BRAP: variants seen among roughly 807,000 people sequenced by gnomAD.
BRAP encodes the protein BRCA1 associated protein.
A neutral mutation model predicts 73.4 loss-of-function variants in BRAP; 42 were observed. The ratio of observed to expected loss-of-function variants is 0.57; its 90% CI spans 0.45 to 0.74. The LOEUF is 0.74. Among genes scored for constraint, BRAP ranks in the 30% least tolerant of loss-of-function variants. BRAP has a pLI of 0.00. For missense variants in BRAP, 593 were observed against 751.4 expected, an observed-to-expected ratio of 0.79 and a Z score of 2.46; for synonymous variants, 255 against 267.4, an observed-to-expected ratio of 0.95 and a Z score of 0.45.
At chr12:111,654,130 G>A (rs139520393) in intron 10 of BRAP, among the ~76,000 whole-genome samples, 120 of 152,178 alleles carry the variant, frequency 7.9e-4, no homozygotes, top group African/African-American at 2.8e-3. Context: ...ACGCGGCAGC[G>A]ACCTGCGCTC....
intron 4 of BRAP, among the ~76,000 whole-genome samples, chr12:111,675,574 T>G (rs376968812): frequency 1.5e-4 from 23 of 150,768 alleles, no homozygotes; most frequent in African/African-American, 5.1e-4. Context: ...ACTCACCATC[T>G]AAATGCACTA....
chr12:111,673,848 C>G (rs972694434), intron 4 of BRAP, among the ~76,000 whole-genome samples: 1 of 152,136 alleles, frequency 6.6e-6, no homozygotes, highest in Non-Finnish European at 1.5e-5. Context: ...GGCACATGTG[C>G]GTCTATGAAA....
intron 9 of BRAP, among the ~76,000 whole-genome samples, chr12:111,657,195 C>G (rs1886569032): frequency 6.6e-6 from 1 of 152,110 alleles, no homozygotes; most frequent in African/African-American, 2.4e-5. Context: ...AGGCGCCCAC[C>G]ACCACACCCA....
intron 6 of BRAP, among the ~76,000 whole-genome samples, chr12:111,663,608 C>T (rs981140608): frequency 6.6e-5 from 10 of 152,192 alleles, no homozygotes; most frequent in African/African-American, 2.4e-4. Flanking sequence ...CTGCCTCCTA[C>T]TGCAGCCCTT....
At chr12:111,684,528 A>G (rs1347414807) in intron 1 of BRAP, among the ~76,000 whole-genome samples, 1 of 152,108 alleles carries the variant, frequency 6.6e-6, no homozygotes, top group Non-Finnish European at 1.5e-5. Context: ...CACAGCACTT[A>G]CCACAGTTGT....
intron 11 of BRAP, among the ~76,000 whole-genome samples, chr12:111,647,196 A>G (rs1360239832): frequency 6.6e-6 from 1 of 152,218 alleles, no homozygotes; most frequent in Non-Finnish European, 1.5e-5. Context: ...ACTTGAGCCC[A>G]GTAGCTGGAG....
intron 1 of BRAP, among the ~76,000 whole-genome samples, chr12:111,684,691 G>A (rs1887736580): frequency 1.3e-5 from 2 of 149,062 alleles, no homozygotes; most frequent in African/African-American, 2.5e-5. Context: ...TTTTTGAAAT[G>A]GACTTTATCT....
chr12:111,670,406 T>C (rs1887122730), intron 5 of BRAP: 2 of 364,960 alleles, frequency 5.5e-6, no homozygotes, highest in Non-Finnish European at 5.3e-6. Flanking sequence ...AATTTTGATT[T>C]CACCTAATCA....
At chr12:111,674,250 C>CT (rs990306945) in intron 4 of BRAP, among the ~76,000 whole-genome samples, 22 of 148,766 alleles carry the variant, frequency 1.5e-4, no homozygotes, top group Non-Finnish European at 2.4e-4. Flanking sequence ...TCCCCCCCAC[C>CT]TTTTTTTTTT....
intron 6 of BRAP, among the ~76,000 whole-genome samples, chr12:111,661,971 G>A (rs1050150930): frequency 5.3e-5 from 8 of 152,136 alleles, no homozygotes; most frequent in African/African-American, 1.9e-4. Flanking sequence ...ACCGCACCTG[G>A]CTAAACACAA....
chr12:111,660,850 T>C (rs887527726), intron 6 of BRAP, among the ~76,000 whole-genome samples, 175 bp from the exon 7 acceptor site: 4 of 152,196 alleles, frequency 2.6e-5, no homozygotes, highest in Admixed American at 6.5e-5. Flanking sequence ...AAAATCTTGA[T>C]AAAACAGAGA....
Position 111,643,798 on chromosome 12 carries a change from T to A in BRAP, c.*401A>T. ...CTGTTATGCCCTCAGAGAGGTTTGG[T>A]GCTTTAGTGCTAGATAACCTTACCT... On this transcript the variant is annotated 3_prime_UTR_variant, in exon 12 of 12. Transcript: ENST00000419234. 5.5e-6 allele frequency: 1 copy of A among 180,994 alleles called. No individual in the cohort carries two copies. Among genetic ancestry groups the A allele is most frequent in the Non-Finnish European group, 1.2e-5 (1 of 85,364 alleles). 11.2% of individuals were successfully genotyped at this position (180,994 alleles called of 1,614,324 possible).
At chr12:111,663,465 T>C (rs1241779000) in intron 6 of BRAP, among the ~76,000 whole-genome samples, 2 of 152,040 alleles carry the variant, frequency 1.3e-5, no homozygotes, top group Admixed American at 1.3e-4. Context: ...AAAATAATAA[T>C]AATAATAATT....
Position 111,661,394 on chromosome 12 carries a change from C to T in BRAP, c.897-719G>A, listed in dbSNP as rs527934477. Among the ~76,000 whole-genome samples the T allele has an allele frequency of 6.3e-4, 96 of 151,908 alleles. 1 individual carries two copies. Among genetic ancestry groups the T allele is most frequent in the African/African-American group, 2.3e-3 (95 of 41,364 alleles). ...TCCTAGGTTCAAGCAATTCTCCTGC[C>T]TCAGCCTCCTGAGTAGCTGGGACTA... On this transcript the variant is annotated intron_variant, in intron 6 of 11. Transcript: ENST00000419234.
At chr12:111,668,156 G>C (rs1466347018) in intron 5 of BRAP, among the ~76,000 whole-genome samples, 2 of 152,132 alleles carry the variant, frequency 1.3e-5, no homozygotes, top group East Asian at 1.9e-4. Flanking sequence ...GCAGTGAGCC[G>C]AGACTGCTCC....
At position 111,665,599 on chromosome 12, in the gene BRAP, A is replaced by G. The variant is rs764854850; in HGVS notation, c.896+40T>C. On this transcript the variant is annotated intron_variant, in intron 6 of 11. Transcript: ENST00000419234. The surrounding 1 kb of genome is among the most constrained non-coding windows in gnomAD (Gnocchi z 4.3). ...CTCTTTTTAATTCTGGAAGGGTTGC[A>G]ATGGGCTTGTACACAGAGGGGTTCG... The G allele has an allele frequency of 2.4e-5, 39 of 1,605,184 alleles. No homozygotes were observed. The Admixed American group carries it at 6.5e-4, about 27-fold the overall frequency.
At position 111,672,744 on chromosome 12, in the gene BRAP, T is replaced by C. The variant is rs771867577; in HGVS notation, c.664A>G (p.Asn222Asp). ...ADADSFYMTC[N>D]GRQFNSIEDD... ...TCTATTGAGTTGAACTGGCGGCCAT[T>C]GCATGTCATATAAAAACTATCCGCA... The change falls in exon 5 of 12, where the codon AAT becomes GAT. Residue 222 changes from asparagine to aspartate, a missense_variant. Coordinates refer to ENST00000419234, the MANE Select transcript of BRAP (RefSeq NM_006768.5). 2 of 1,613,984 alleles carry C rather than the reference T, an allele frequency of 1.2e-6. No homozygotes were observed. Among genetic ancestry groups the C allele is most frequent in the African/African-American group, 2.7e-5 (2 of 74,918 alleles).
intron 5 of BRAP, chr12:111,670,058 T>C: frequency 1.6e-6 from 1 of 627,252 alleles, no homozygotes; most frequent in Non-Finnish European, 3.1e-6. Context: ...AAGCTGCTGC[T>C]CCTGAAAAAG....
At chr12:111,672,549 A>G in intron 5 of BRAP, 112 bp downstream of exon 5, 3 of 868,674 alleles carry the variant, frequency 3.5e-6, no homozygotes, top group East Asian at 5.4e-5. Flanking sequence ...CCACCAGTCT[A>G]CTTTCTGTGT....
Sources: gnomAD v4.1 joint callset for allele counts (sites outside exome capture counted in the v4.1 genomes callset) on GRCh38, gnomAD v4.1.1 for gene constraint, Gnocchi (gnomAD v3.1) non-coding constraint, MANE v1.5 for transcripts, NCBI Gene and HGNC (gene_info 2026-07-23, HGNC 2026-07-21) for gene names.